SYNPO2: variants seen among roughly 807,000 people sequenced by gnomAD.
SYNPO2 encodes synaptopodin 2, also known as synaptopodin-2.
In SYNPO2, 56 loss-of-function variants were observed where a neutral mutation model predicts 85.0. The observed-to-expected ratio is 0.66, with a 90% CI of 0.53 to 0.82. The LOEUF is 0.82. Ranked by LOEUF, SYNPO2 falls within the 40% of genes least tolerant of loss-of-function variation. The probability of loss-of-function intolerance (pLI) is 0.00; values close to 1 mark genes in which losing one functional copy is unlikely to be tolerated. For synonymous variants in SYNPO2, 602 were observed against 591.1 expected (o/e 1.02, Z -0.27); for missense variants, 1,575 against 1,534.2 (o/e 1.03, Z -0.44).
At chr4:118,976,400 G>A (rs570676734) in intron 1 of SYNPO2, among the ~76,000 whole-genome samples, 6 of 152,306 alleles carry the variant, frequency 3.9e-5, no homozygotes, top group Non-Finnish European at 7.4e-5. Flanking sequence ...TGGACCCAAA[G>A]AGTGAGCAGT....
chr4:118,938,212 G>T (rs1029059040), intron 1 of SYNPO2, among the ~76,000 whole-genome samples: 6 of 152,078 alleles, frequency 3.9e-5, no homozygotes, highest in African/African-American at 1.2e-4. Context: ...CCGGCTATTT[G>T]GGAGGCTGAG....
At chr4:119,006,355 A>C (rs1167096121) in intron 1 of SYNPO2, 1 of 152,156 alleles carries the variant, frequency 6.6e-6, no homozygotes, top group Non-Finnish European at 1.5e-5. Flanking sequence ...TCCATAACCC[A>C]AACACCAAAG....
chr4:118,900,158 A>G (rs915910537), intron 1 of SYNPO2, among the ~76,000 whole-genome samples: 2 of 152,226 alleles, frequency 1.3e-5, no homozygotes, highest in Admixed American at 6.5e-5. Context: ...AATAAATTTA[A>G]ATAATTTCCA....
chr4:118,888,278 T>G (rs147999506), upstream of SYNPO2, among the ~76,000 whole-genome samples: 176 of 152,342 alleles, frequency 1.2e-3, no homozygotes, highest in African/African-American at 3.9e-3. Flanking sequence ...TCTTTCTCTC[T>G]CCCTTTCTGT....
chr4:119,009,500 A>G (rs1737210246), intron 1 of SYNPO2, among the ~76,000 whole-genome samples: 2 of 152,190 alleles, frequency 1.3e-5, no homozygotes, highest in South Asian at 4.1e-4. Flanking sequence ...TCAGGCACTC[A>G]ATAAAGATCT....
At chr4:118,971,292 G>T (rs1315564962) in intron 1 of SYNPO2, among the ~76,000 whole-genome samples, 1 of 152,180 alleles carries the variant, frequency 6.6e-6, no homozygotes, top group African/African-American at 2.4e-5. Flanking sequence ...TGACTCTTAA[G>T]AACAAGGAGC....
intron 1 of SYNPO2, among the ~76,000 whole-genome samples, chr4:118,896,813 T>C (rs1160569591): frequency 6.6e-6 from 1 of 152,222 alleles, no homozygotes; most frequent in African/African-American, 2.4e-5. Flanking sequence ...AATTACCATT[T>C]GGAACATTGT....
intron 1 of SYNPO2, among the ~76,000 whole-genome samples, chr4:118,872,991 A>G (rs1731830767): frequency 1.3e-5 from 2 of 152,160 alleles, no homozygotes; most frequent in South Asian, 2.1e-4. Context: ...TTGCTGTAAA[A>G]GACATAATTT....
chr4:119,032,246 T>C (rs1006460464), intron 4 of SYNPO2: 1 of 1,425,802 alleles, frequency 7.0e-7, no homozygotes, highest in African/African-American at 1.4e-5. Flanking sequence ...CTAAAATATA[T>C]TTATCTTCTT....
chr4:118,994,513 G>A (rs1010518479), intron 1 of SYNPO2, among the ~76,000 whole-genome samples: 3 of 152,226 alleles, frequency 2.0e-5, no homozygotes, highest in African/African-American at 7.2e-5. Context: ...TGGGTTAGAT[G>A]CATCAATATG....
exon 1 of SYNPO2, chr4:118,850,734 G>C (rs1367882145): frequency 5.0e-6 from 2 of 398,526 alleles, no homozygotes; most frequent in Non-Finnish European, 8.8e-6. Context: ...TGGAGCTCAG[G>C]AGAGAAGGTG....
chr4:119,044,004 C>T (rs1738802312), intron 4 of SYNPO2: 1 of 149,106 alleles, frequency 6.7e-6, no homozygotes, highest in Admixed American at 6.7e-5. Flanking sequence ...CAGCTATAGC[C>T]ATGGGCAAAA....
intron 1 of SYNPO2, among the ~76,000 whole-genome samples, chr4:118,916,785 T>C (rs1197937074): frequency 7.0e-6 from 1 of 143,600 alleles, no homozygotes; most frequent in Non-Finnish European, 1.5e-5. Context: ...CGGGCTGGAG[T>C]GCAGTGATGC....
intron 1 of SYNPO2, among the ~76,000 whole-genome samples, chr4:118,988,217 A>T (rs578230350): frequency 6.6e-6 from 1 of 152,162 alleles, no homozygotes; most frequent in Non-Finnish European, 1.5e-5. Context: ...GTGAATGTAC[A>T]CCTGTGTAGC....
chr4:118,965,922 ATTT>A (rs1273959328), intron 1 of SYNPO2, among the ~76,000 whole-genome samples: 1 of 124,422 alleles, frequency 8.0e-6, no homozygotes, highest in Non-Finnish European at 1.8e-5. Flanking sequence ...TCACTACAAG[ATTT>A]TTTTTAAAAA....
At chr4:118,967,691 C>T (rs1735369470) in intron 1 of SYNPO2, among the ~76,000 whole-genome samples, 2 of 152,294 alleles carry the variant, frequency 1.3e-5, no homozygotes, top group Non-Finnish European at 1.5e-5. Context: ...CCATGTTTTC[C>T]CCTATGCTTT....
intron 1 of SYNPO2, among the ~76,000 whole-genome samples, chr4:118,916,450 G>A (rs1439438852): frequency 6.6e-6 from 1 of 152,030 alleles, no homozygotes. Context: ...TGGGACTACA[G>A]GGGTGAGTCA....
intron 4 of SYNPO2, among the ~76,000 whole-genome samples, chr4:119,053,506 T>TA (rs1463826318): frequency 3.9e-5 from 6 of 152,236 alleles, no homozygotes; most frequent in African/African-American, 1.4e-4. Context: ...TCACTGCTGT[T>TA]ACATTTGTCA....
chr4:119,022,926 A>G (rs1737794364), intron 1 of SYNPO2, among the ~76,000 whole-genome samples: 1 of 151,612 alleles, frequency 6.6e-6, no homozygotes, highest in South Asian at 2.1e-4. Flanking sequence ...ACAGGCGCAC[A>G]CCACCATGCC....
Sources: gnomAD v4.1 joint callset for allele counts (sites outside exome capture counted in the v4.1 genomes callset) on GRCh38, gnomAD v4.1.1 for gene constraint, MANE v1.5 for transcripts, NCBI Gene and HGNC (gene_info 2026-07-23, HGNC 2026-07-21) for gene names.